FHIT: variants seen among roughly 807,000 people sequenced by gnomAD.
FHIT encodes fragile histidine triad diadenosine triphosphatase, also known as bis(5'-adenosyl)-triphosphatase.
FHIT carries 19 observed loss-of-function variants against 17.9 expected under a neutral mutation model. That is an observed-to-expected ratio of 1.06 (90% CI 0.74 to 1.56). The LOEUF is 1.56. Ranked by LOEUF, FHIT falls within the 40% of genes most tolerant of loss-of-function variation. FHIT has a pLI of 0.00. For synonymous variants in FHIT, 81 were observed against 69.7 expected (o/e 1.16, Z -0.81); for missense variants, 248 against 189.2 (o/e 1.31, Z -1.82).
At chr3:61,165,108 CATGT>C (rs1160767673) in intron 2 of FHIT, among the ~76,000 whole-genome samples, 1 of 152,156 alleles carries the variant, frequency 6.6e-6, no homozygotes, top group Non-Finnish European at 1.5e-5. Context: ...CATATACATG[CATGT>C]GTCTTTTTGA....
intron 1 of FHIT, among the ~76,000 whole-genome samples, chr3:61,216,964 A>G (rs575859282): frequency 7.0e-4 from 100 of 142,712 alleles, no homozygotes; most frequent in African/African-American, 2.6e-3. Context: ...TGGACACAGG[A>G]AGGGGAATAT....
intron 8 of FHIT, among the ~76,000 whole-genome samples, chr3:59,907,470 G>A (rs1451091111): frequency 6.6e-6 from 1 of 152,102 alleles, no homozygotes; most frequent in African/African-American, 2.4e-5. Flanking sequence ...ATTCATGCAG[G>A]GATAAGGACA....
rs576779764 is a variant in FHIT, at chr3:60,488,868, G to A, written c.103+47992C>T. On this transcript the variant is annotated intron_variant, in intron 5 of 9. Transcript: ENST00000492590. The stretch of plus-strand genomic sequence containing the variant: ...TAAAAACTTGGTGTTAAGTTTTTAT[G>A]TAAAACATGAAACTATAATATTTTG... Among the ~76,000 whole-genome samples the A allele has an allele frequency of 2.6e-5, 4 of 152,300 alleles. No homozygotes were observed. The South Asian group carries it at 8.3e-4, about 32-fold the overall frequency.
chr3:60,859,445 C>T (rs1335527145), intron 3 of FHIT, among the ~76,000 whole-genome samples: 2 of 152,102 alleles, frequency 1.3e-5, no homozygotes, highest in African/African-American at 4.8e-5. Flanking sequence ...CCCATGCACA[C>T]AGGTAGACCG....
At chr3:60,013,270 T>C (rs1293215427) in intron 6 of FHIT, among the ~76,000 whole-genome samples, 1 of 152,190 alleles carries the variant, frequency 6.6e-6, no homozygotes, top group African/African-American at 2.4e-5. Flanking sequence ...TACAGAGTCC[T>C]CACATTTTGA....
At chr3:60,859,997 T>C (rs1037440912) in intron 3 of FHIT, among the ~76,000 whole-genome samples, 2 of 103,390 alleles carry the variant, frequency 1.9e-5, no homozygotes, top group African/African-American at 8.4e-5. Flanking sequence ...TGAGCCGAGA[T>C]TGTGCCATTG....
intron 7 of FHIT, among the ~76,000 whole-genome samples, chr3:59,966,572 T>C (rs575355638): frequency 1.3e-5 from 2 of 152,288 alleles, no homozygotes; most frequent in African/African-American, 4.8e-5. Flanking sequence ...TACAAAGGTA[T>C]AGAGCATGTT....
At chr3:60,597,361 C>T (rs1489256860) in intron 4 of FHIT, among the ~76,000 whole-genome samples, 7 of 152,052 alleles carry the variant, frequency 4.6e-5, no homozygotes, top group Admixed American at 4.6e-4. Context: ...AGGAGAGCAG[C>T]ATTGTTATTT....
At chr3:61,004,833 T>G (rs1213435111) in intron 3 of FHIT, among the ~76,000 whole-genome samples, 7 of 152,286 alleles carry the variant, frequency 4.6e-5, no homozygotes, top group African/African-American at 1.7e-4. Flanking sequence ...CGCAGAGAAC[T>G]GCTGTGAAAA....
At chr3:60,429,932 G>A (rs553909874) in intron 5 of FHIT, among the ~76,000 whole-genome samples, 1 of 152,032 alleles carries the variant, frequency 6.6e-6, no homozygotes, top group South Asian at 2.1e-4. Flanking sequence ...TGCCTTCACT[G>A]TTGGACTTGG....
At chr3:60,711,942 A>G (rs540642945) in intron 4 of FHIT, among the ~76,000 whole-genome samples, 6 of 152,124 alleles carry the variant, frequency 3.9e-5, no homozygotes, top group African/African-American at 4.8e-5. Context: ...GATACTCCTC[A>G]AGAAGAGCAA....
At chr3:60,989,136 C>T (rs1427854959) in intron 3 of FHIT, among the ~76,000 whole-genome samples, 1 of 151,958 alleles carries the variant, frequency 6.6e-6, no homozygotes, top group Non-Finnish European at 1.5e-5. Flanking sequence ...ATGAAGATGA[C>T]AACACAGTTC....
chr3:60,128,638 C>A (rs1308124267), intron 5 of FHIT, among the ~76,000 whole-genome samples: 1 of 152,198 alleles, frequency 6.6e-6, no homozygotes. Flanking sequence ...GGGCCACATG[C>A]CCAGAAGGCA....
chr3:59,989,403 C>G (rs960342009), intron 7 of FHIT, among the ~76,000 whole-genome samples: 3 of 151,962 alleles, frequency 2.0e-5, no homozygotes, highest in Admixed American at 6.6e-5. Context: ...AGCTTTAGTT[C>G]TACTTAAAGT....
At chr3:59,985,389 G>C (rs1708849272) in intron 7 of FHIT, among the ~76,000 whole-genome samples, 1 of 152,092 alleles carries the variant, frequency 6.6e-6, no homozygotes, top group Non-Finnish European at 1.5e-5. Context: ...GTATTATCAG[G>C]TGTTGCTTTC....
chr3:60,363,958 C>T (rs963126415), intron 5 of FHIT, among the ~76,000 whole-genome samples: 7 of 152,164 alleles, frequency 4.6e-5, no homozygotes, highest in African/African-American at 1.7e-4. Context: ...CCCACAACTG[C>T]TACCTCCCCT....
intron 8 of FHIT, among the ~76,000 whole-genome samples, chr3:59,902,580 A>T (rs1422829214): frequency 6.6e-6 from 1 of 152,162 alleles, no homozygotes; most frequent in Non-Finnish European, 1.5e-5. Context: ...CATGCGATGT[A>T]TATATCAATA....
At chr3:60,141,298 T>C (rs539212502) in intron 5 of FHIT, among the ~76,000 whole-genome samples, 2 of 151,826 alleles carry the variant, frequency 1.3e-5, no homozygotes, top group Admixed American at 6.6e-5. Flanking sequence ...GGAATTACAA[T>C]TGTTCTGAAA....
At chr3:60,280,976 A>G in intron 5 of FHIT, among the ~76,000 whole-genome samples, 1 of 2,806 alleles carries the variant, frequency 3.6e-4, no homozygotes, top group Non-Finnish European at 1.1e-3. Context: ...ACAAATAAGC[A>G]ACTGCAGCAA....
Sources: allele counts gnomAD v4.1 joint callset (sites outside exome capture counted in the v4.1 genomes callset), GRCh38; gene constraint gnomAD v4.1.1; transcripts MANE v1.5; gene names NCBI Gene and HGNC (gene_info 2026-07-23, HGNC 2026-07-21).